Variants in HAT1 observed in about 807,000 individuals in gnomAD.
HAT1 encodes histone acetyltransferase 1.
In HAT1, 20 loss-of-function variants were observed where a neutral mutation model predicts 56.6. That is an observed-to-expected ratio of 0.35 (90% CI 0.25 to 0.51). The LOEUF (loss-of-function observed/expected upper bound fraction) is 0.51. Ranked by LOEUF, HAT1 falls within the 20% of genes least tolerant of loss-of-function variation. The pLI is 0.95. For synonymous variants in HAT1, 146 were observed against 165.5 expected (o/e 0.88, Z 0.91); for missense variants, 408 against 504.3 (o/e 0.81, Z 1.83).
At position 171,974,691 on chromosome 2, in the gene HAT1, G is replaced by A. The variant is rs551499571; in HGVS notation, c.824-1466G>A. Among the ~76,000 whole-genome samples, 9 of 152,342 alleles carry A rather than the reference G, an allele frequency of 5.9e-5. No homozygotes were observed. In the East Asian group the frequency reaches 1.7e-3, roughly 29 times the overall value. Reference sequence around the variant, plus strand: ...CATTTGGTCTTTCACCATTGTGGATGATGTTAGCTATAGCTTTCATATGTG... The same window carrying A: ...CATTTGGTCTTTCACCATTGTGGATAATGTTAGCTATAGCTTTCATATGTG... On this transcript the variant is annotated intron_variant, in intron 8 of 10. Transcript: ENST00000264108.
chr2:171,932,953 C>T (rs1686782126), intron 2 of HAT1, among the ~76,000 whole-genome samples: 1 of 152,148 alleles, frequency 6.6e-6, no homozygotes, highest in South Asian at 2.1e-4. Context: ...TTTAATGTCT[C>T]CTTACAAGTT....
At chr2:171,970,203 C>T (rs1340262010) in intron 8 of HAT1, among the ~76,000 whole-genome samples, 2 of 151,864 alleles carry the variant, frequency 1.3e-5, no homozygotes, top group African/African-American at 4.8e-5. Context: ...AGGTGGATCA[C>T]GAGGTCAAGA....
Position 171,983,307 on chromosome 2 carries a change from A to G in HAT1, c.1215A>G (p.Leu405=). The part of the protein sequence containing the change: ...HEQLEESFQE[L]VEDYRRVIER... ...AGCTGGAAGAGAGTTTTCAGGAACT[A>G]GTGGAAGATTACCGGCGTGTTATTG... Residue 405 remains leucine, a synonymous_variant, in exon 11 of 11, where the codon CTA becomes CTG. Transcript: ENST00000264108. 6.2e-7 allele frequency: 1 copy of G among 1,609,202 alleles called. No homozygotes were observed.
intron 2 of HAT1, among the ~76,000 whole-genome samples, chr2:171,942,889 C>A (rs1458579213): frequency 6.6e-6 from 1 of 152,132 alleles, no homozygotes; most frequent in Non-Finnish European, 1.5e-5. Flanking sequence ...CTTAAGACAA[C>A]TTTTCTTACT....
chr2:171,924,467 A>G (rs1338292473), intron 1 of HAT1: 1 of 152,208 alleles, frequency 6.6e-6, no homozygotes, highest in South Asian at 2.1e-4. Context: ...TGCTGAAATT[A>G]CAGGCGTGAG....
At position 171,922,505 on chromosome 2, in the gene HAT1, C is replaced by T. The variant is rs1431020173; in HGVS notation, c.5C>T (p.Ala2Val). The T allele has an allele frequency of 7.6e-7, 1 of 1,318,926 alleles. No individual in the cohort carries two copies. Among genetic ancestry groups the T allele is most frequent in the Non-Finnish European group, 9.8e-7 (1 of 1,024,592 alleles). The allele number at this position is 1,318,926 out of a possible 1,614,324, so 81.7% of individuals were successfully genotyped here. Reference protein sequence around the residue: MAGFGAMEKFLV... With the variant: MVGFGAMEKFLV... ...GCGGGTGATCGTAGCTCGGAAATGGCGGGTAAGTTACCGGGAAAAGTTTAC... is the reference window on the plus strand; with the variant it reads ...GCGGGTGATCGTAGCTCGGAAATGGTGGGTAAGTTACCGGGAAAAGTTTAC... Residue 2 changes from alanine (A) to valine (V), a missense_variant and splice_region_variant, in exon 1 of 11, where the codon GCG becomes GTG. Ala to Val is a moderately conservative substitution (Grantham distance 64, BLOSUM62 0). Coordinates refer to ENST00000264108, the MANE Select transcript of HAT1 (RefSeq NM_003642.4).
chr2:171,936,783 C>T lies in HAT1; in HGVS notation c.113-9925C>T, dbSNP rs147734998. Among the ~76,000 whole-genome samples, 220 of 152,110 alleles carry T rather than the reference C, an allele frequency of 1.4e-3. 1 individual carries two copies. Among genetic ancestry groups the T allele is most frequent in the Non-Finnish European group, 4.3e-4 (29 of 67,998 alleles). On this transcript the variant is annotated intron_variant, in intron 2 of 10. Coordinates refer to ENST00000264108, the MANE Select transcript of HAT1 (RefSeq NM_003642.4). ...TTAGCATGGGTAGGAAAAGATGTATCGGGCAATATGCTAAGATTTCAGTTA... is the reference window on the plus strand; with the variant it reads ...TTAGCATGGGTAGGAAAAGATGTATTGGGCAATATGCTAAGATTTCAGTTA...
intron 4 of HAT1, chr2:171,965,075 T>C (rs539165153): frequency 2.8e-6 from 1 of 358,348 alleles, no homozygotes; most frequent in Non-Finnish European, 5.0e-6. Flanking sequence ...AATGGAAATG[T>C]CCATAGCATT....
intron 3 of HAT1, among the ~76,000 whole-genome samples, chr2:171,949,673 CAA>C (rs71013094): frequency 5.0e-4 from 64 of 128,058 alleles, no homozygotes; most frequent in African/African-American, 1.4e-3. Context: ...GACTCTGTCT[CAA>C]AAAAAAAAAA....
At chr2:171,960,521 C>T (rs1255347121) in intron 4 of HAT1, among the ~76,000 whole-genome samples, 1 of 152,154 alleles carries the variant, frequency 6.6e-6, no homozygotes, top group Non-Finnish European at 1.5e-5. Context: ...TATGTCATTA[C>T]ATTAATTTTT....
At position 171,935,014 on chromosome 2, in the gene HAT1, C is replaced by T. The variant is rs184719556; in HGVS notation, c.112+9373C>T. On this transcript the variant is annotated intron_variant, in intron 2 of 10. Coordinates refer to ENST00000264108, the MANE Select transcript of HAT1 (RefSeq NM_003642.4). ...CAAGTGATCCATCTGCCTCGGCCTC[C>T]CAAAGTGCTGGGATTACAGGCGTGA... Among the ~76,000 whole-genome samples the T allele has an allele frequency of 4.3e-3, 644 of 151,354 alleles. 3 individuals are homozygous for T. Among genetic ancestry groups the T allele is most frequent in the Non-Finnish European group, 7.0e-3 (472 of 67,830 alleles).
intron 2 of HAT1, among the ~76,000 whole-genome samples, chr2:171,932,915 G>A (rs972881667): frequency 6.6e-6 from 1 of 152,064 alleles, no homozygotes; most frequent in African/African-American, 2.4e-5. Context: ...CTTCTTGGGG[G>A]TATTGGTAAT....
chr2:171,971,583 T>C (rs1314895361), intron 8 of HAT1, among the ~76,000 whole-genome samples: 1 of 152,210 alleles, frequency 6.6e-6, no homozygotes, highest in East Asian at 1.9e-4. Flanking sequence ...TTGGTACTTT[T>C]CTTGAAAATC....
At chr2:171,935,515 CAAAAA>C (rs56220004) in intron 2 of HAT1, among the ~76,000 whole-genome samples, 4 of 55,650 alleles carry the variant, frequency 7.2e-5, no homozygotes, top group South Asian at 1.8e-3. Flanking sequence ...AACTCCATCT[CAAAAA>C]AAAAAAAAAA....
intron 8 of HAT1, among the ~76,000 whole-genome samples, chr2:171,974,195 AAAAAAGAAAAAG>A (rs1687899775): frequency 1.8e-5 from 1 of 57,090 alleles, no homozygotes; most frequent in Non-Finnish European, 3.9e-5. Flanking sequence ...AAAAAAAAGA[AAAAAAGAAAAAG>A]AAAAAAAAAA....
chr2:171,923,042 T>C (rs1448243734), intron 1 of HAT1: 1 of 153,488 alleles, frequency 6.5e-6, no homozygotes, highest in Non-Finnish European at 1.4e-5. Context: ...TCTGTCACAC[T>C]TTAGTATTCC....
chr2:171,956,614 T>G (rs1241681619), intron 4 of HAT1, among the ~76,000 whole-genome samples: 1 of 152,212 alleles, frequency 6.6e-6, no homozygotes, highest in Non-Finnish European at 1.5e-5. Context: ...ATATCCTTGT[T>G]CTATAGTGGC....
rs113202186 is a variant in HAT1, at chr2:171,935,536, A to G, written c.112+9895A>G. On this transcript the variant is annotated intron_variant, in intron 2 of 10. Transcript: ENST00000264108. ...ATCTCAAAAAAAAAAAAAAAAAAAA[A>G]AAGACAAAATTCATTTTAAGTCTTG... Among the ~76,000 whole-genome samples, 173 of 138,742 alleles carry G rather than the reference A, an allele frequency of 1.2e-3. 6 individuals carry two copies. The highest frequency in any genetic ancestry group is 9.2e-3 in the Middle Eastern group (2 of 218). The allele number at this position is 138,742 out of a possible 152,430, so 91.0% of individuals were successfully genotyped here.
At chr2:171,977,524 A>AAAATATAT (rs1184245230) in intron 9 of HAT1, among the ~76,000 whole-genome samples, 1 of 36,382 alleles carries the variant, frequency 2.7e-5, no homozygotes, top group South Asian at 1.4e-3. Flanking sequence ...CAGGCATATG[A>AAAATATAT]ATATATATAT....
Sources: allele counts gnomAD v4.1 joint callset (sites outside exome capture counted in the v4.1 genomes callset), GRCh38; gene constraint gnomAD v4.1.1; transcripts MANE v1.5; gene names NCBI Gene and HGNC (gene_info 2026-07-23, HGNC 2026-07-21).